The following CDK13 variants were observed in gnomAD, a reference collection of about 807,000 sequenced individuals.
CDK13 encodes cyclin-dependent kinase 13.
In CDK13, 40 loss-of-function variants were observed where a neutral mutation model predicts 137.6. The ratio of observed to expected loss-of-function variants is 0.29; its 90% CI spans 0.23 to 0.38. The LOEUF is 0.38. Among genes scored for constraint, CDK13 ranks in the 10% least tolerant of loss-of-function variants. The pLI is 1.00. For missense variants in CDK13, 1,704 were observed against 1,951.8 expected (o/e 0.87, Z 2.39); for synonymous variants, 869 against 760.1 (o/e 1.14, Z -2.36).
intron 5 of CDK13, among the ~76,000 whole-genome samples, chr7:40,004,390 G>A (rs949235478): frequency 6.6e-6 from 1 of 152,134 alleles, no homozygotes; most frequent in African/African-American, 2.4e-5. Context: ...TATGCATCAT[G>A]ATAAATAAGA....
At chr7:39,979,910 G>A (rs937490993) in intron 1 of CDK13, among the ~76,000 whole-genome samples, 12 of 152,152 alleles carry the variant, frequency 7.9e-5, no homozygotes, top group African/African-American at 2.9e-4. Context: ...AAGGTTTTGA[G>A]CCAAGGAATG....
intron 5 of CDK13, among the ~76,000 whole-genome samples, chr7:40,032,418 T>A (rs1236845604): frequency 6.6e-6 from 1 of 152,238 alleles, no homozygotes; most frequent in Non-Finnish European, 1.5e-5. Context: ...TATTAGTTTC[T>A]TCTTTTCACA....
Position 39,951,433 on chromosome 7 carries a change from A to C in CDK13, c.792A>C (p.Thr264=), listed in dbSNP as rs898600607. The change falls in exon 1 of 14, where the codon ACA becomes ACC. Residue 264 remains threonine (T), a synonymous_variant. Coordinates refer to ENST00000181839, the MANE Select transcript of CDK13 (RefSeq NM_003718.5). ...SGGRRKSASA[T]SSSSSSRKDR... is the part of the protein sequence containing the mutation. ...GCCGCCGGAAAAGCGCTTCGGCCAC[A>C]TCCAGCAGCAGTAGCAGCCGCAAGG... The C allele has an allele frequency of 2.0e-6, 3 of 1,534,074 alleles. 1 individual carries two copies. Among genetic ancestry groups the C allele is most frequent in the Non-Finnish European group, 2.6e-6 (3 of 1,141,554 alleles).
intron 5 of CDK13, among the ~76,000 whole-genome samples, chr7:40,035,641 TCA>T (rs202013553): frequency 0.09 from 13,669 of 151,930 alleles, 991 homozygotes; most frequent in East Asian, 0.33. Context: ...GAAAACCAGC[TCA>T]GGGCCCCCAC....
At chr7:39,994,928 C>T (rs1171456969) in intron 2 of CDK13, among the ~76,000 whole-genome samples, 1 of 151,522 alleles carries the variant, frequency 6.6e-6, no homozygotes, top group Non-Finnish European at 1.5e-5. Context: ...AACAACTCTT[C>T]CTTGAATTTT....
chr7:40,065,151 T>C (rs148265531), intron 9 of CDK13, among the ~76,000 whole-genome samples: 3 of 151,956 alleles, frequency 2.0e-5, no homozygotes, highest in East Asian at 3.9e-4. Flanking sequence ...AAAAGAAATA[T>C]ACCTTTCAGT....
chr7:40,057,485 T>C (rs1363703655), intron 7 of CDK13, among the ~76,000 whole-genome samples: 1 of 152,152 alleles, frequency 6.6e-6, no homozygotes, highest in Non-Finnish European at 1.5e-5. Context: ...CACACGTGCT[T>C]ATGTTCCACT....
chr7:40,089,974 ATACT>A (rs1285389846), intron 12 of CDK13, among the ~76,000 whole-genome samples: 1 of 152,202 alleles, frequency 6.6e-6, no homozygotes, highest in Non-Finnish European at 1.5e-5. Flanking sequence ...GTTCAACTGC[ATACT>A]TAAAGTACTC....
chr7:40,046,086 A>C, intron 6 of CDK13, 61 bp downstream of exon 6: 2 of 1,049,780 alleles, frequency 1.9e-6, no homozygotes, highest in Non-Finnish European at 2.8e-6. Flanking sequence ...GTACATGGAG[A>C]GAATAGACTG....
rs549324252 is a variant in CDK13, at chr7:40,092,984, A to G, written c.3435A>G (p.Pro1145=). The G allele has an allele frequency of 3.0e-5, 49 of 1,614,238 alleles. No homozygotes were observed. In the East Asian group the frequency reaches 9.8e-4, roughly 32 times the overall value. Residue 1145 remains proline, a synonymous_variant, in exon 13 of 14, where the codon CCA becomes CCG. Coordinates refer to ENST00000181839, the MANE Select transcript of CDK13 (RefSeq NM_003718.5). ...CAACAGGTGAAAAACAGACAGATCC[A>G]TCAACACCACAACAGGAGTCTTCGA... ...ILATGEKQTD[P]STPQQESSKP...
chr7:40,059,054 A>AT (rs151191485), intron 7 of CDK13, among the ~76,000 whole-genome samples: 6,949 of 152,194 alleles, frequency 0.046, 533 homozygotes, highest in African/African-American at 0.16. Context: ...ATTTTATATG[A>AT]TTTTTTTCAC....
At chr7:40,030,270 TATATAGAGAG>T (rs1785345558) in intron 5 of CDK13, among the ~76,000 whole-genome samples, 1 of 142,286 alleles carries the variant, frequency 7.0e-6, no homozygotes, top group African/African-American at 3.0e-5. Context: ...TGTATATATA[TATATAGAGAG>T]AGAGAGAGAG....
At chr7:39,977,942 T>C (rs1784144436) in intron 1 of CDK13, among the ~76,000 whole-genome samples, 1 of 152,170 alleles carries the variant, frequency 6.6e-6, no homozygotes, top group Non-Finnish European at 1.5e-5. Flanking sequence ...ATGTGGAATG[T>C]AGAATAATTT....
rs867776327 is a variant in CDK13 at position 39,996,981 on chromosome 7, A to G, written c.1872-513A>G. ...CATCTCAAAAAAAAAAAAAAAGAAA[A>G]AAAAAAAGAAAAATGCTTTGCAAAA... On this transcript the variant is annotated intron_variant, in intron 2 of 13. Coordinates refer to ENST00000181839, the MANE Select transcript of CDK13 (RefSeq NM_003718.5). Among the ~76,000 whole-genome samples the G allele has an allele frequency of 6.1e-3, 922 of 150,310 alleles. 37 individuals are homozygous for G. Among genetic ancestry groups the G allele is most frequent in the African/African-American group, 0.022 (873 of 40,240 alleles).
At chr7:40,089,562 A>G (rs1462845022) in intron 12 of CDK13, among the ~76,000 whole-genome samples, 2 of 152,182 alleles carry the variant, frequency 1.3e-5, no homozygotes, top group East Asian at 3.8e-4. Context: ...AATGTTGTCA[A>G]GAGTGTTAAA....
At chr7:40,029,641 G>A (rs575200718) in intron 5 of CDK13, among the ~76,000 whole-genome samples, 3 of 150,808 alleles carry the variant, frequency 2.0e-5, no homozygotes, top group East Asian at 2.0e-4. Context: ...GAGAGAGAGA[G>A]AAAAGATTCT....
At chr7:40,021,913 A>G (rs1248595030) in intron 5 of CDK13, among the ~76,000 whole-genome samples, 1 of 152,218 alleles carries the variant, frequency 6.6e-6, no homozygotes, top group Admixed American at 6.5e-5. Context: ...ATCAAGGTAT[A>G]TTTATGGGAA....
rs1787095779 is a variant in CDK13, at chr7:40,099,068, A to G, written c.*4088A>G. On this transcript the variant is annotated 3_prime_UTR_variant, in exon 14 of 14. Transcript: ENST00000181839. ...TAAAACCTATTGATTTGGAACTTTAAAAAAAAAAACAACAAAAAAATACTT... is the reference window on the plus strand; with the variant it reads ...TAAAACCTATTGATTTGGAACTTTAGAAAAAAAAACAACAAAAAAATACTT... 6.7e-6 allele frequency: 1 copy of G among 149,350 alleles called. No homozygotes were observed. Among genetic ancestry groups the G allele is most frequent in the Non-Finnish European group, 1.5e-5 (1 of 66,980 alleles). The allele number at this position is 149,350 out of a possible 1,614,324, so 9.3% of individuals were successfully genotyped here. A position where few individuals can be genotyped will look rare whatever the true frequency, so the allele number is the denominator to read the frequency against.
intron 1 of CDK13, among the ~76,000 whole-genome samples, chr7:39,957,370 G>C (rs1226998730): frequency 3.7e-5 from 5 of 135,202 alleles, no homozygotes; most frequent in African/African-American, 1.3e-4. Context: ...TTTAATATCT[G>C]CTTAGTTGGC....
Sources: gnomAD v4.1 joint callset for allele counts (sites outside exome capture counted in the v4.1 genomes callset) on GRCh38, gnomAD v4.1.1 for gene constraint, MANE v1.5 for transcripts, NCBI Gene and HGNC (gene_info 2026-07-23, HGNC 2026-07-21) for gene names.